The following MIPOL1 variants were observed in gnomAD, a reference collection of about 807,000 sequenced individuals.
MIPOL1 encodes the protein mirror-image polydactyly gene 1 protein.
Under a neutral mutation model 60.9 loss-of-function variants are expected in MIPOL1, and 57 were observed. The observed-to-expected ratio is 0.94, with a 90% CI of 0.76 to 1.17. The LOEUF (loss-of-function observed/expected upper bound fraction) is 1.17, where lower values mean the gene tolerates loss of function less well. Ranked by LOEUF, MIPOL1 falls within the 50% of genes most tolerant of loss-of-function variation. The pLI is 0.00. For synonymous variants in MIPOL1, 179 were observed against 168.8 expected (o/e 1.06, Z -0.47); for missense variants, 551 against 511.6 (o/e 1.08, Z -0.74).
intron 10 of MIPOL1, among the ~76,000 whole-genome samples, chr14:37,395,921 C>T (rs1396930461): frequency 6.6e-6 from 1 of 152,094 alleles, no homozygotes; most frequent in East Asian, 1.9e-4. Flanking sequence ...AGATGAGTCT[C>T]CTGAAGGCAG....
intron 12 of MIPOL1, chr14:37,506,298 C>T (rs915774621): frequency 6.6e-6 from 1 of 152,116 alleles, no homozygotes; most frequent in Non-Finnish European, 1.5e-5. Flanking sequence ...CCAAGACAAT[C>T]CTAAGCAAAA....
intron 12 of MIPOL1, 147 bp from the exon 13 acceptor site, chr14:37,546,758 G>C: frequency 3.1e-6 from 2 of 636,096 alleles, no homozygotes; most frequent in Non-Finnish European, 5.5e-6. Flanking sequence ...CTCTGTAGCA[G>C]TGTCTCTCAC....
chr14:37,228,878 G>A (rs1970195124), intron 1 of MIPOL1, among the ~76,000 whole-genome samples: 1 of 152,082 alleles, frequency 6.6e-6, no homozygotes, highest in East Asian at 1.9e-4. Flanking sequence ...AATTGCTTGA[G>A]GCCAGGAGTT....
At chr14:37,239,348 T>G (rs1057331362) in intron 1 of MIPOL1, among the ~76,000 whole-genome samples, 6 of 152,152 alleles carry the variant, frequency 3.9e-5, no homozygotes, top group Admixed American at 1.3e-4. Context: ...CCTGGCCTGC[T>G]TAATTTACTT....
At chr14:37,505,599 A>G (rs529571080) in intron 12 of MIPOL1, 1 of 152,352 alleles carries the variant, frequency 6.6e-6, no homozygotes, top group South Asian at 2.1e-4. Flanking sequence ...TATTGATGGA[A>G]CATATCTCAA....
chr14:37,429,776 G>A (rs1412450530), intron 11 of MIPOL1, among the ~76,000 whole-genome samples: 2 of 151,912 alleles, frequency 1.3e-5, no homozygotes, highest in African/African-American at 4.8e-5. Context: ...TTTGGTCTGT[G>A]TATATACTGT....
chr14:37,382,693 T>C (rs940326795), intron 10 of MIPOL1, among the ~76,000 whole-genome samples: 1 of 152,036 alleles, frequency 6.6e-6, no homozygotes, highest in African/African-American at 2.4e-5. Flanking sequence ...TCAGTGTTGG[T>C]TAGTTTTTCT....
At chr14:37,321,814 G>A (rs960508387) in intron 9 of MIPOL1, among the ~76,000 whole-genome samples, 5 of 151,858 alleles carry the variant, frequency 3.3e-5, no homozygotes, top group African/African-American at 1.2e-4. Context: ...TTATCATTAT[G>A]AAATGCCCAC....
At chr14:37,504,928 C>A (rs530939079) in intron 12 of MIPOL1, 1 of 152,238 alleles carries the variant, frequency 6.6e-6, no homozygotes, top group South Asian at 2.1e-4. Context: ...GATATCACCA[C>A]CAATCCCACA....
intron 11 of MIPOL1, among the ~76,000 whole-genome samples, chr14:37,488,734 A>AT (rs1332122137): frequency 2.0e-5 from 3 of 152,098 alleles, no homozygotes; most frequent in South Asian, 4.2e-4. Context: ...TGGGTTGAAA[A>AT]TTCTTTTCTT....
At chr14:37,468,847 G>A (rs2094637000) in intron 11 of MIPOL1, among the ~76,000 whole-genome samples, 1 of 152,194 alleles carries the variant, frequency 6.6e-6, no homozygotes, top group African/African-American at 2.4e-5. Context: ...GTAGGAGCTA[G>A]TTAAGTAAAG....
chr14:37,260,746 T>C (rs559711753), intron 3 of MIPOL1, among the ~76,000 whole-genome samples: 317 of 152,226 alleles, frequency 2.1e-3, no homozygotes, highest in Non-Finnish European at 3.1e-3. Flanking sequence ...TAAAAAGCCC[T>C]GAGAGAGCTA....
At chr14:37,501,569 AAGAAGT>A (rs2095215823) in intron 12 of MIPOL1, 2 of 152,180 alleles carry the variant, frequency 1.3e-5, no homozygotes, top group South Asian at 4.1e-4. Flanking sequence ...TTTATACACC[AAGAAGT>A]AGAAATAATA....
chr14:37,464,423 T>C (rs2094574729), intron 11 of MIPOL1, among the ~76,000 whole-genome samples: 1 of 152,144 alleles, frequency 6.6e-6, no homozygotes, highest in African/African-American at 2.4e-5. Flanking sequence ...AAATATGTCA[T>C]TTGGAGCAAC....
chr14:37,291,914 A>ATTTTTT (rs57230205), intron 7 of MIPOL1, among the ~76,000 whole-genome samples: 3 of 92,978 alleles, frequency 3.2e-5, no homozygotes, highest in African/African-American at 1.1e-4. Context: ...AATGGCAATA[A>ATTTTTT]TTTTTTTTTT....
At chr14:37,308,667 A>G in intron 9 of MIPOL1, 148 bp downstream of exon 9, 1 of 442,546 alleles carries the variant, frequency 2.3e-6, no homozygotes, top group South Asian at 1.1e-4. Flanking sequence ...CTATATTAAA[A>G]TAATTATGTA....
chr14:37,489,180 T>A (rs917867689), intron 11 of MIPOL1, among the ~76,000 whole-genome samples: 1 of 152,208 alleles, frequency 6.6e-6, no homozygotes, highest in Non-Finnish European at 1.5e-5. Context: ...TTCTCTAATC[T>A]TGTCGTCACA....
At chr14:37,526,799 T>C (rs113416196) in intron 12 of MIPOL1, among the ~76,000 whole-genome samples, 2,293 of 152,204 alleles carry the variant, frequency 0.015, 59 homozygotes, top group African/African-American at 0.052. Context: ...GAAATGAACA[T>C]TTTGAGGTTC....
chr14:37,297,766 T>G (rs61988345), intron 7 of MIPOL1, among the ~76,000 whole-genome samples: 1 of 151,630 alleles, frequency 6.6e-6, no homozygotes, highest in Non-Finnish European at 1.5e-5. Context: ...AAGGACTTCT[T>G]CAAGGAGAAC....
Sources: gnomAD v4.1 joint callset for allele counts (sites outside exome capture counted in the v4.1 genomes callset) on GRCh38, gnomAD v4.1.1 for gene constraint, MANE v1.5 for transcripts, NCBI Gene and HGNC (gene_info 2026-07-23, HGNC 2026-07-21) for gene names.